Variants in NUP58 observed in about 807,000 individuals in gnomAD.
The protein encoded by NUP58 is nucleoporin p58/p45.
A neutral mutation model predicts 70.1 loss-of-function variants in NUP58; 17 were observed. The observed-to-expected ratio is 0.24, with a 90% CI of 0.17 to 0.36. NUP58 has a LOEUF of 0.36. NUP58 is among the 10% of genes least tolerant of loss of function. The pLI, the probability that NUP58 is intolerant of heterozygous loss-of-function variation, is 1.00. For missense variants in NUP58, 644 were observed against 701.5 expected (o/e 0.92, Z 0.93); for synonymous variants, 275 against 257.6 (o/e 1.07, Z -0.65).
chr13:25,306,022 G>A (rs1044384268), intron 1 of NUP58, among the ~76,000 whole-genome samples: 2 of 152,058 alleles, frequency 1.3e-5, no homozygotes, highest in African/African-American at 4.8e-5. Context: ...AATATGTTTA[G>A]TTAAATTTAT....
At chr13:25,330,044 A>G (rs923154207) in intron 12 of NUP58, among the ~76,000 whole-genome samples, 3 of 152,030 alleles carry the variant, frequency 2.0e-5, no homozygotes, top group Non-Finnish European at 4.4e-5. Flanking sequence ...GTCCAGGCTG[A>G]TCTTAACTCC....
chr13:25,316,759 G>T (rs547209735), intron 6 of NUP58, among the ~76,000 whole-genome samples: 15 of 152,256 alleles, frequency 9.9e-5, no homozygotes, highest in African/African-American at 3.6e-4. Flanking sequence ...TCAAAGAGCA[G>T]GCTAAGGCAG....
At chr13:25,343,019 A>T (rs78418419), downstream of NUP58, among the ~76,000 whole-genome samples, 4,327 of 152,024 alleles carry the variant, frequency 0.028, 230 homozygotes, top group African/African-American at 0.099. Flanking sequence ...GTAATTTTTT[A>T]AAATTTTTTT....
Position 25,341,446 on chromosome 13 carries a change from T to C in NUP58, c.*1312T>C, listed in dbSNP as rs994077845. 6.6e-6 allele frequency: 1 copy of C among 152,636 alleles called. No individual in the cohort carries two copies. Among genetic ancestry groups the C allele is most frequent in the African/African-American group, 2.4e-5 (1 of 41,454 alleles). 9.5% of individuals were successfully genotyped at this position (152,636 alleles called of 1,614,324 possible). A position where few individuals can be genotyped will look rare whatever the true frequency, so the allele number is the denominator to read the frequency against. ...TATTCCAATACAGAGTTCTTTCTTA[T>C]AGGGCTATTGATATTGACACCAAAT... On this transcript the variant is annotated 3_prime_UTR_variant, in exon 16 of 16. Transcript: ENST00000381736.
At chr13:25,334,169 G>A (rs2031705978) in intron 13 of NUP58, 6 of 985,254 alleles carry the variant, frequency 6.1e-6, no homozygotes, top group African/African-American at 1.7e-5. Flanking sequence ...CATCGATAAC[G>A]TGGATAACGT....
chr13:25,348,949 A>G (rs1566077468), intron 3 of NUP58, among the ~76,000 whole-genome samples: 2 of 152,216 alleles, frequency 1.3e-5, no homozygotes, highest in Non-Finnish European at 2.9e-5. Flanking sequence ...TTCCCACACC[A>G]AGACCATTCC....
intron 3 of NUP58, 109 bp from the exon 4 acceptor site, chr13:25,312,774 G>T: frequency 9.7e-7 from 1 of 1,026,146 alleles, no homozygotes; most frequent in South Asian, 1.7e-5. Flanking sequence ...ATTGGCAAAA[G>T]GTAGTATCAT....
intron 5 of NUP58, among the ~76,000 whole-genome samples, chr13:25,314,141 C>A (rs2030813695): frequency 6.6e-6 from 1 of 152,106 alleles, no homozygotes; most frequent in Non-Finnish European, 1.5e-5. Flanking sequence ...CCATGTTGGC[C>A]AAGCTGGTCT....
intron 9 of NUP58, among the ~76,000 whole-genome samples, chr13:25,321,546 C>A (rs928393409): frequency 6.6e-6 from 1 of 152,202 alleles, no homozygotes; most frequent in East Asian, 1.9e-4. Flanking sequence ...TTTTAACTGT[C>A]GGTTTTTAAA....
intron 3 of NUP58, among the ~76,000 whole-genome samples, chr13:25,310,519 C>CTTTTTTT (rs34548230): frequency 7.5e-5 from 4 of 53,578 alleles, no homozygotes; most frequent in African/African-American, 7.0e-5. Context: ...TGTGCCTGGC[C>CTTTTTTT]TTTTTTTTTT....
chr13:25,338,793 G>A (rs576875494), intron 15 of NUP58, 62 bp downstream of exon 15: 2 of 1,427,534 alleles, frequency 1.4e-6, no homozygotes, highest in East Asian at 2.3e-5. Context: ...TAATTTAAAA[G>A]TATGTGTTGT....
chr13:25,328,806 T>G (rs1014129860), intron 12 of NUP58, among the ~76,000 whole-genome samples: 1 of 152,222 alleles, frequency 6.6e-6, no homozygotes, highest in African/African-American at 2.4e-5. Context: ...ATTAAACTCT[T>G]TAATCTTGGA....
In NUP58 at chr13:25,312,953, C is replaced by T; in HGVS notation, c.357C>T (p.Ala119=). 1 of 1,614,120 alleles carries T rather than the reference C, an allele frequency of 6.2e-7. No individual in the cohort carries two copies. Among genetic ancestry groups the T allele is most frequent in the Non-Finnish European group, 8.5e-7 (1 of 1,179,982 alleles). The change falls in exon 4 of 16, where the codon GCC becomes GCT. Residue 119 remains alanine (A), a synonymous_variant. Coordinates refer to ENST00000381736, the MANE Select transcript of NUP58 (RefSeq NM_014089.4). ...GATTCAATAAACCTGCAGCATCTGCCACACCATTTGCTCTACCTATTACCT... is the reference window on the plus strand; with the variant it reads ...GATTCAATAAACCTGCAGCATCTGCTACACCATTTGCTCTACCTATTACCT... The part of the protein sequence containing the change: ...SLGFNKPAAS[A]TPFALPITST...
chr13:25,306,321 G>A (rs1254260634), intron 1 of NUP58, among the ~76,000 whole-genome samples: 2 of 151,372 alleles, frequency 1.3e-5, no homozygotes, highest in East Asian at 3.9e-4. Flanking sequence ...AGGAGAATGG[G>A]GTGAACCCGG....
chr13:25,341,802 T>C lies in NUP58; in HGVS notation c.*1668T>C, dbSNP rs2031965515. ...TGGAATTTCATTGAAAATAGTTTAATTTTTTATATAAAAGGTTTTGTATAT... is the reference window on the plus strand; with the variant it reads ...TGGAATTTCATTGAAAATAGTTTAACTTTTTATATAAAAGGTTTTGTATAT... On this transcript the variant is annotated 3_prime_UTR_variant, in exon 16 of 16. Transcript: ENST00000381736. The C allele has an allele frequency of 6.6e-6, 1 of 152,640 alleles. No homozygotes were observed. The highest frequency in any genetic ancestry group is 2.1e-4 in the South Asian group (1 of 4,830). The allele number at this position is 152,640 out of a possible 1,614,324, so 9.5% of individuals were successfully genotyped here.
In NUP58 at chr13:25,320,914, T is replaced by C. The variant is rs756320350; in HGVS notation, c.777-5T>C. 3.9e-6 allele frequency: 6 copies of C among 1,530,250 alleles called. No homozygotes were observed. In the East Asian group the frequency reaches 9.3e-5, roughly 24 times the overall value. The allele number at this position is 1,530,250 out of a possible 1,614,324, so 94.8% of individuals were successfully genotyped here. On this transcript the variant is annotated splice_region_variant and splice_polypyrimidine_tract_variant and intron_variant, in intron 8 of 15. Transcript: ENST00000381736. ...TTAAAACTCAGTTTTAAATATATTT[T>C]TTAGGAAATTTGTGAAGGAGCAGAA... is the stretch of plus-strand genomic sequence containing the variant.
At position 25,331,448 on chromosome 13, in the gene NUP58, G is replaced by T. The variant is rs755473382; in HGVS notation, c.1325G>T (p.Trp442Leu). 1 of 1,614,170 alleles carries T rather than the reference G, an allele frequency of 6.2e-7. No homozygotes were observed. Among genetic ancestry groups the T allele is most frequent in the South Asian group, 1.1e-5 (1 of 91,082 alleles). ...ACAAGGCGAGCAGAAGCCAAGAAGT[G>T]GCAGAACACACCCAGAGTTACTACT... ...FETRRAEAKK[W>L]QNTPRVTTGP... Residue 442 changes from tryptophan (W) to leucine (L), a missense_variant, in exon 13 of 16, where the codon TGG becomes TTG. By Grantham distance (61) the Trp-to-Leu change is moderately conservative. Transcript: ENST00000381736.
chr13:25,326,335 T>TC (rs1455721617), intron 10 of NUP58, among the ~76,000 whole-genome samples: 11 of 149,090 alleles, frequency 7.4e-5, no homozygotes, highest in African/African-American at 2.8e-4. Context: ...CAAGATACCT[T>TC]CTTTTTTTTT....
chr13:25,306,393 CAAAAAAAAA>C (rs1030000370), intron 1 of NUP58, among the ~76,000 whole-genome samples: 35 of 55,530 alleles, frequency 6.3e-4, no homozygotes, highest in Non-Finnish European at 2.5e-4. Flanking sequence ...GACTCCGTCT[CAAAAAAAAA>C]AAAAAAAAAA....
Sources: gnomAD v4.1 joint callset for allele counts (sites outside exome capture counted in the v4.1 genomes callset) on GRCh38, gnomAD v4.1.1 for gene constraint, MANE v1.5 for transcripts, NCBI Gene and HGNC (gene_info 2026-07-23, HGNC 2026-07-21) for gene names.